Variants in PRKCA observed in about 807,000 individuals in gnomAD.
PRKCA encodes the protein protein kinase C alpha type.
Under a neutral mutation model 87.0 loss-of-function variants are expected in PRKCA, and 27 were observed. The observed-to-expected ratio is 0.31, with a 90% CI of 0.23 to 0.43. PRKCA has a LOEUF of 0.43. PRKCA is among the 20% of genes least tolerant of loss of function. The pLI is 1.00. For missense variants in PRKCA, 518 were observed against 852.3 expected (o/e 0.61, Z 4.88); for synonymous variants, 329 against 311.1 (o/e 1.06, Z -0.61).
At chr17:66,746,143 T>C (rs1974278437) in intron 13 of PRKCA, among the ~76,000 whole-genome samples, 1 of 151,696 alleles carries the variant, frequency 6.6e-6, no homozygotes, top group Non-Finnish European at 1.5e-5. Flanking sequence ...TTCACCTTTT[T>C]TGTTGCCTTG....
chr17:66,515,676 T>G (rs1444086321), intron 3 of PRKCA, among the ~76,000 whole-genome samples: 2 of 152,088 alleles, frequency 1.3e-5, no homozygotes, highest in African/African-American at 4.8e-5. Context: ...CCCAAGTAGC[T>G]GGGACTGCAG....
chr17:66,781,881 ATATATAGTGT>A (rs1412833782), intron 14 of PRKCA, among the ~76,000 whole-genome samples: 1 of 130,320 alleles, frequency 7.7e-6, no homozygotes, highest in African/African-American at 3.1e-5. Flanking sequence ...ATATATATAT[ATATATAGTGT>A]GTGTGTGTGT....
rs1236116445 is a variant in PRKCA at position 66,641,462 on chromosome 17, T to G, written c.396T>G (p.Cys132Trp). The G allele has an allele frequency of 2.5e-6, 4 of 1,604,044 alleles. No homozygotes were observed. The highest frequency in any genetic ancestry group is 3.4e-6 in the Non-Finnish European group (4 of 1,173,224). The change falls in exon 4 of 17, where the codon TGT becomes TGG. Residue 132 changes from cysteine (C) to tryptophan (W), a missense_variant. Coordinates refer to ENST00000413366, the MANE Select transcript of PRKCA (RefSeq NM_002737.3). ...GACTTATCCATCAAGGGATGAAATG[T>G]GACAGTAAGTAAGTTTTCTTTTCCA... ...LYGLIHQGMKCDTCDMNVHKQ... is the reference protein window; with the variant it reads ...LYGLIHQGMKWDTCDMNVHKQ...
intron 2 of PRKCA, among the ~76,000 whole-genome samples, chr17:66,377,584 CAT>C (rs1367811748): frequency 6.9e-5 from 10 of 144,598 alleles, no homozygotes; most frequent in Admixed American, 2.1e-4. Context: ...ATCTATATTA[CAT>C]ATATGTCTAT....
intron 2 of PRKCA, among the ~76,000 whole-genome samples, chr17:66,425,287 C>A (rs1409855052): frequency 6.6e-6 from 1 of 152,178 alleles, no homozygotes; most frequent in Non-Finnish European, 1.5e-5. Flanking sequence ...CCAACATCCA[C>A]AGACCTCTCC....
chr17:66,360,605 T>C (rs190022706), intron 2 of PRKCA, among the ~76,000 whole-genome samples: 2 of 152,288 alleles, frequency 1.3e-5, no homozygotes, highest in East Asian at 3.9e-4. Flanking sequence ...GGGATACTAA[T>C]GAGGAAGGAC....
At chr17:66,646,483 G>A (rs1971460285) in intron 5 of PRKCA, among the ~76,000 whole-genome samples, 1 of 152,044 alleles carries the variant, frequency 6.6e-6, no homozygotes, top group Admixed American at 6.6e-5. Context: ...GGGACCAACT[G>A]TATACATTAC....
chr17:66,537,874 C>T (rs1226893940), intron 3 of PRKCA, among the ~76,000 whole-genome samples: 1 of 152,092 alleles, frequency 6.6e-6, no homozygotes, highest in East Asian at 1.9e-4. Context: ...GGCATGATCT[C>T]GGCTCACTGC....
intron 2 of PRKCA, among the ~76,000 whole-genome samples, chr17:66,336,637 T>C (rs1392764619): frequency 7.6e-6 from 1 of 132,002 alleles, no homozygotes; most frequent in Non-Finnish European, 1.5e-5. Flanking sequence ...GTACCTGTTA[T>C]ATAGTAAATT....
intron 3 of PRKCA, among the ~76,000 whole-genome samples, chr17:66,508,580 G>T (rs144931255): frequency 3.9e-4 from 60 of 152,298 alleles, no homozygotes; most frequent in Non-Finnish European, 5.7e-4. Flanking sequence ...ATTGATCATG[G>T]TGTAACACCC....
In PRKCA at chr17:66,809,758, C is replaced by T. The variant is rs1173223561; in HGVS notation, c.*5721C>T. ...TTAAGGTTTAGAAACTTCCAAACCA[C>T]AGGAAAGACATTTTTAGTGTCCCCC... On this transcript the variant is annotated 3_prime_UTR_variant, in exon 17 of 17. Coordinates refer to ENST00000413366, the MANE Select transcript of PRKCA (RefSeq NM_002737.3). 6.6e-6 allele frequency: 1 copy of T among 152,200 alleles called. No individual in the cohort carries two copies. Among genetic ancestry groups the T allele is most frequent in the Non-Finnish European group, 1.5e-5 (1 of 68,046 alleles). 9.4% of individuals were successfully genotyped at this position (152,200 alleles called of 1,614,324 possible).
intron 3 of PRKCA, among the ~76,000 whole-genome samples, chr17:66,602,493 G>T (rs1401356137): frequency 6.6e-6 from 1 of 151,706 alleles, no homozygotes; most frequent in Non-Finnish European, 1.5e-5. Flanking sequence ...AGATGAACCC[G>T]GTACCTCAGA....
chr17:66,532,030 G>T (rs1967559971), intron 3 of PRKCA, among the ~76,000 whole-genome samples: 2 of 152,066 alleles, frequency 1.3e-5, no homozygotes, highest in African/African-American at 4.8e-5. Flanking sequence ...CAGCGCCTTT[G>T]CTGACAGAGC....
At chr17:66,668,330 G>A (rs1016905017) in intron 5 of PRKCA, among the ~76,000 whole-genome samples, 4 of 152,332 alleles carry the variant, frequency 2.6e-5, no homozygotes, top group Non-Finnish European at 5.9e-5. Context: ...CTCTGCAAGC[G>A]AAGTATAGTG....
chr17:66,655,428 T>C (rs1257135429), intron 5 of PRKCA, among the ~76,000 whole-genome samples: 2 of 152,198 alleles, frequency 1.3e-5, no homozygotes, highest in Non-Finnish European at 2.9e-5. Context: ...CTCCTCACTT[T>C]TGCTTGTGCC....
rs1334948705 is a variant in PRKCA, at chr17:66,687,282, C to T, written c.686+15C>T. ...TCCTTTACATTGTAAGTGGTCTCTC[C>T]TTGATCAAATTTCATTCCTATACAC... is the stretch of plus-strand genomic sequence containing the variant. On this transcript the variant is annotated intron_variant, in intron 6 of 16. Transcript: ENST00000413366. 2 of 1,609,940 alleles carry T rather than the reference C, an allele frequency of 1.2e-6. No homozygotes were observed. The highest frequency in any genetic ancestry group is 1.7e-5 in the Admixed American group (1 of 59,266).
chr17:66,610,751 C>G (rs79710134), intron 3 of PRKCA, among the ~76,000 whole-genome samples: 4,269 of 152,316 alleles, frequency 0.028, 204 homozygotes, highest in African/African-American at 0.094. Flanking sequence ...GTTCCTGTCT[C>G]TGTGTCCTTC....
chr17:66,555,536 T>C (rs1220008114), intron 3 of PRKCA, among the ~76,000 whole-genome samples: 1 of 152,148 alleles, frequency 6.6e-6, no homozygotes. Flanking sequence ...TAATAAATGC[T>C]CTTTACAAAT....
intron 3 of PRKCA, among the ~76,000 whole-genome samples, chr17:66,616,373 C>T (rs1006012594): frequency 6.6e-6 from 1 of 152,196 alleles, no homozygotes; most frequent in Non-Finnish European, 1.5e-5. Flanking sequence ...AGCTGAATGT[C>T]TTTGAGCTCA....
Sources: allele counts gnomAD v4.1 joint callset (sites outside exome capture counted in the v4.1 genomes callset), GRCh38; gene constraint gnomAD v4.1.1; transcripts MANE v1.5; gene names NCBI Gene and HGNC (gene_info 2026-07-23, HGNC 2026-07-21).